COL5A1: variants seen among roughly 807,000 people sequenced by gnomAD.
COL5A1 encodes the protein collagen alpha-1(V) chain.
A neutral mutation model predicts 263.7 loss-of-function variants in COL5A1; 16 were observed. The ratio of observed to expected loss-of-function variants is 0.06; its 90% CI spans 0.04 to 0.09. The LOEUF is 0.09. Ranked by LOEUF, COL5A1 falls within the 10% of genes least tolerant of loss-of-function variation. The pLI is 1.00. For synonymous variants in COL5A1, 1,012 were observed against 1,004.5 expected, an observed-to-expected ratio of 1.01 and a Z score of -0.14; for missense variants, 2,036 against 2,540.5, an observed-to-expected ratio of 0.80 and a Z score of 4.27.
At chr9:134,738,541 C>G in intron 10 of COL5A1, 26 bp downstream of exon 10, 1 of 1,614,000 alleles carries the variant, frequency 6.2e-7, no homozygotes, top group Non-Finnish European at 8.5e-7. Context: ...TATCCTGTGA[C>G]TTGCAGAAGG....
At chr9:134,747,120 G>C (rs991237615) in intron 11 of COL5A1, among the ~76,000 whole-genome samples, 5 of 152,150 alleles carry the variant, frequency 3.3e-5, no homozygotes, top group African/African-American at 9.7e-5. Flanking sequence ...ACTTCGGAAG[G>C]GTTCATGGGG....
In COL5A1 at chr9:134,681,194, C is replaced by T. The variant is rs1222557982; in HGVS notation, c.110-9718C>T. Among the ~76,000 whole-genome samples, 3 of 152,342 alleles carry T rather than the reference C, an allele frequency of 2.0e-5. No individual in the cohort carries two copies. The highest frequency in any genetic ancestry group is 2.9e-5 in the Non-Finnish European group (2 of 68,036). On this transcript the variant is annotated intron_variant, in intron 1 of 65. Transcript: ENST00000371817. The surrounding 1 kb of genome is among the most constrained non-coding windows in gnomAD (Gnocchi z 4.3). ...GGGGTGGGGGGGCCTCAGCCCTGGGCCAGACCCTCCCTGGTGGCTCGATGG... is the reference window on the plus strand; with the variant it reads ...GGGGTGGGGGGGCCTCAGCCCTGGGTCAGACCCTCCCTGGTGGCTCGATGG...
chr9:134,760,076 ACACACGCATACACGCCCACACACCCC>A, intron 18 of COL5A1, among the ~76,000 whole-genome samples: 1 of 124,918 alleles, frequency 8.0e-6, no homozygotes, highest in Non-Finnish European at 1.7e-5. Flanking sequence ...TCATACATGC[ACACACGCATACACGCCCACACACCCC>A]CACACTCATA....
Position 134,794,913 on chromosome 9 carries a change from G to A in COL5A1, c.2701-169G>A, listed in dbSNP as rs575311585. Among the ~76,000 whole-genome samples, 10 of 152,240 alleles carry A rather than the reference G, an allele frequency of 6.6e-5. No individual in the cohort carries two copies. The East Asian group carries it at 9.7e-4, about 15-fold the overall frequency. ...GTGTCGGGTGTGCGGTGAGCTTCTCGCCCTGATAAATCTCCTATTAAAACA... is the reference window on the plus strand; with the variant it reads ...GTGTCGGGTGTGCGGTGAGCTTCTCACCCTGATAAATCTCCTATTAAAACA... On this transcript the variant is annotated intron_variant, in intron 32 of 65. Coordinates refer to ENST00000371817, the MANE Select transcript of COL5A1 (RefSeq NM_000093.5). This position sits in a 1 kb window ranked among gnomAD's most constrained non-coding sequence, Gnocchi z 4.3.
intron 38 of COL5A1, 92 bp downstream of exon 38, chr9:134,802,099 G>A (rs1327194119): frequency 2.2e-5 from 28 of 1,263,172 alleles, no homozygotes; most frequent in Non-Finnish European, 2.1e-5. Context: ...TTCCCTCCAC[G>A]ATTCCGGAGG....
chr9:134,760,664 C>A (rs1440562324), intron 18 of COL5A1, among the ~76,000 whole-genome samples: 1 of 123,572 alleles, frequency 8.1e-6, no homozygotes, highest in Non-Finnish European at 1.7e-5. Flanking sequence ...CACACACACA[C>A]CACACATGCA....
chr9:134,751,479 T>G (rs1016608446), intron 13 of COL5A1, among the ~76,000 whole-genome samples: 3 of 152,322 alleles, frequency 2.0e-5, no homozygotes, highest in African/African-American at 7.2e-5. Context: ...GCTGGGCTCC[T>G]CTGGGAGAGA....
chr9:134,812,367 G>A, intron 46 of COL5A1, 82 bp from the exon 47 acceptor site: 2 of 1,417,068 alleles, frequency 1.4e-6, no homozygotes, highest in Non-Finnish European at 2.0e-6. Context: ...GGTGCTGTGT[G>A]GGTGGAGGTC....
In COL5A1 at chr9:134,700,772, C is replaced by T. The variant is rs953422474; in HGVS notation, c.492-399C>T. Among the ~76,000 whole-genome samples, 2 of 152,348 alleles carry T rather than the reference C, an allele frequency of 1.3e-5. No individual in the cohort carries two copies. The highest frequency in any genetic ancestry group is 6.5e-5 in the Admixed American group (1 of 15,304). Reference sequence around the variant, plus strand: ...GGCACGTGACAAGTGCTCGCATGCACACAGCAAAATACAACGGCCGCCGCC... The same window carrying T: ...GGCACGTGACAAGTGCTCGCATGCATACAGCAAAATACAACGGCCGCCGCC... On this transcript the variant is annotated intron_variant, in intron 3 of 65. Transcript: ENST00000371817. This position sits in a 1 kb window ranked among gnomAD's most constrained non-coding sequence, Gnocchi z 4.0.
intron 25 of COL5A1, among the ~76,000 whole-genome samples, chr9:134,771,395 C>T (rs1443340527): frequency 2.0e-5 from 3 of 152,200 alleles, no homozygotes; most frequent in East Asian, 1.9e-4. Context: ...TTCCGGAAGG[C>T]GGCGTGGTGG....
Position 134,828,856 on chromosome 9 carries a change from TACACACACACC to T in COL5A1, c.5068-1114_5068-1104del, listed in dbSNP as rs576655207. ...TCACACAGATACACCCATAACACAC[TACACACACACC>T]ACACATCACACACAGACCACACATT... is the stretch of plus-strand genomic sequence containing the variant. On this transcript the variant is annotated intron_variant, in intron 63 of 65. Coordinates refer to ENST00000371817, the MANE Select transcript of COL5A1 (RefSeq NM_000093.5). Among the ~76,000 whole-genome samples the T allele has an allele frequency of 3.7e-3, 532 of 144,856 alleles. 2 individuals carry two copies. The highest frequency in any genetic ancestry group is 6.3e-3 in the Non-Finnish European group (417 of 65,960).
At chr9:134,826,926 C>T (rs959818105) in intron 63 of COL5A1, among the ~76,000 whole-genome samples, 1 of 152,094 alleles carries the variant, frequency 6.6e-6, no homozygotes, top group South Asian at 2.1e-4. Flanking sequence ...GTGTTGCTAT[C>T]CCTCAAGCAT....
chr9:134,836,518 C>T (rs959954085), intron 65 of COL5A1, among the ~76,000 whole-genome samples: 5 of 152,220 alleles, frequency 3.3e-5, no homozygotes, highest in Non-Finnish European at 7.3e-5. Context: ...GGGAACGGGG[C>T]CGGCGTTAGG....
At chr9:134,820,010 T>TAA (rs1288906845) in intron 57 of COL5A1, 106 bp from the exon 58 acceptor site, 2 of 871,956 alleles carry the variant, frequency 2.3e-6, no homozygotes, top group African/African-American at 3.3e-5. Flanking sequence ...GACCATGATG[T>TAA]AAAGCTTCCT....
intron 18 of COL5A1, among the ~76,000 whole-genome samples, chr9:134,760,998 C>CAT (rs139173893): frequency 0.18 from 26,956 of 150,036 alleles, 3,427 homozygotes; most frequent in African/African-American, 0.36. Flanking sequence ...CACACATACA[C>CAT]GTGCACACCA....
chr9:134,743,452 G>A (rs1442575677), intron 11 of COL5A1, among the ~76,000 whole-genome samples: 3 of 152,182 alleles, frequency 2.0e-5, no homozygotes, highest in Admixed American at 1.3e-4. Flanking sequence ...GTAAAGTAGC[G>A]ATCTGCTTCT....
intron 1 of COL5A1, among the ~76,000 whole-genome samples, chr9:134,654,118 T>G (rs1354583676): frequency 5.6e-4 from 34 of 61,054 alleles, no homozygotes; most frequent in East Asian, 1.5e-3. Context: ...GTGTAGGGCT[T>G]AGGGTGTGTA....
At chr9:134,784,509 A>G (rs1437958319) in intron 29 of COL5A1, among the ~76,000 whole-genome samples, 1 of 152,198 alleles carries the variant, frequency 6.6e-6, no homozygotes, top group African/African-American at 2.4e-5. Flanking sequence ...ACGCCTCCTG[A>G]GGCCCTCCCG....
chr9:134,802,101 T>G, intron 38 of COL5A1, 94 bp downstream of exon 38: 2 of 1,251,880 alleles, frequency 1.6e-6, no homozygotes, highest in Non-Finnish European at 2.3e-6. Context: ...CCCTCCACGA[T>G]TCCGGAGGTG....
Sources: gnomAD v4.1 joint callset for allele counts (sites outside exome capture counted in the v4.1 genomes callset) on GRCh38, gnomAD v4.1.1 for gene constraint, Gnocchi (gnomAD v3.1) non-coding constraint, MANE v1.5 for transcripts, NCBI Gene and HGNC (gene_info 2026-07-23, HGNC 2026-07-21) for gene names.